The following ARL15 variants were observed in gnomAD, a reference collection of about 807,000 sequenced individuals.
ARL15 encodes ARF like GTPase 15.
A neutral mutation model predicts 25.2 loss-of-function variants in ARL15; 19 were observed. The ratio of observed to expected loss-of-function variants is 0.75; its 90% CI spans 0.53 to 1.10. The LOEUF (loss-of-function observed/expected upper bound fraction) is 1.10, where lower values mean the gene tolerates loss of function less well. Among genes scored for constraint, ARL15 ranks in the 50% least tolerant of loss-of-function variants. ARL15 has a pLI of 0.00. For missense variants in ARL15, 220 were observed against 246.0 expected (o/e 0.89, Z 0.71); for synonymous variants, 94 against 86.8 (o/e 1.08, Z -0.46).
rs189446192 is a variant in ARL15 at position 54,065,435 on chromosome 5, G to A, written c.462+47767C>T. Among the ~76,000 whole-genome samples, 755 of 152,316 alleles carry A rather than the reference G, an allele frequency of 5.0e-3. 5 individuals are homozygous for A. The highest frequency in any genetic ancestry group is 0.017 in the African/African-American group (721 of 41,558). Reference sequence around the variant, plus strand: ...AATCCCAGCACTTTGGGAGGCTGAGGCGGGCGGATCACCTCAGGTCAGGAG... The same window carrying A: ...AATCCCAGCACTTTGGGAGGCTGAGACGGGCGGATCACCTCAGGTCAGGAG... On this transcript the variant is annotated intron_variant, in intron 4 of 4. Coordinates refer to ENST00000504924, the MANE Select transcript of ARL15 (RefSeq NM_019087.3).
intron 1 of ARL15, among the ~76,000 whole-genome samples, chr5:54,182,466 C>A (rs543315763): frequency 1.3e-5 from 2 of 151,162 alleles, no homozygotes; most frequent in Non-Finnish European, 1.5e-5. Context: ...TGTAGGTATG[C>A]GGCGTTATTT....
chr5:54,033,027 T>TA lies in ARL15; in HGVS notation c.462+80174dup, dbSNP rs774182868. On this transcript the variant is annotated intron_variant, in intron 4 of 4. Transcript: ENST00000504924. ...GTTGGAATCTACAGCTATATAAGGT[T>TA]AAAAAAAAAAAAAAGACTGGCTGGG... Among the ~76,000 whole-genome samples the TA allele has an allele frequency of 5.8e-3, 822 of 140,958 alleles. 9 individuals are homozygous for TA. Among genetic ancestry groups the TA allele is most frequent in the African/African-American group, 0.017 (670 of 38,398 alleles). 92.5% of individuals were successfully genotyped at this position (140,958 alleles called of 152,430 possible). A position where few individuals can be genotyped will look rare whatever the true frequency, so the allele number is the denominator to read the frequency against.
intron 4 of ARL15, among the ~76,000 whole-genome samples, chr5:53,990,173 G>C (rs1249832719): frequency 6.6e-6 from 1 of 151,988 alleles, no homozygotes; most frequent in Non-Finnish European, 1.5e-5. Context: ...TAGTGAGCTA[G>C]GATCACTATA....
intron 4 of ARL15, among the ~76,000 whole-genome samples, chr5:53,982,253 G>A (rs538915696): frequency 6.6e-6 from 1 of 151,068 alleles, no homozygotes; most frequent in Non-Finnish European, 1.5e-5. Flanking sequence ...TGTTACATAG[G>A]TATACATGTG....
chr5:53,991,700 T>C (rs1748504068), intron 4 of ARL15, among the ~76,000 whole-genome samples: 1 of 152,106 alleles, frequency 6.6e-6, no homozygotes, highest in Non-Finnish European at 1.5e-5. Flanking sequence ...TTGATTCAAC[T>C]CCAAGACACC....
intron 4 of ARL15, among the ~76,000 whole-genome samples, chr5:53,906,350 T>C (rs759882752): frequency 6.6e-6 from 1 of 152,116 alleles, no homozygotes; most frequent in Non-Finnish European, 1.5e-5. Flanking sequence ...CAAAAAGCAT[T>C]GTACTATGGG....
chr5:54,011,816 C>T (rs1162102097), intron 4 of ARL15, among the ~76,000 whole-genome samples: 1 of 152,090 alleles, frequency 6.6e-6, no homozygotes, highest in Non-Finnish European at 1.5e-5. Flanking sequence ...CAAGACCATC[C>T]TGGCCAACAT....
At chr5:54,200,871 G>T (rs1755703493) in intron 1 of ARL15, among the ~76,000 whole-genome samples, 1 of 152,136 alleles carries the variant, frequency 6.6e-6, no homozygotes, top group South Asian at 2.1e-4. Flanking sequence ...TACTTCTTCT[G>T]CAGTGCTTCT....
chr5:54,026,658 T>C (rs1579713627), intron 4 of ARL15, among the ~76,000 whole-genome samples: 2 of 152,142 alleles, frequency 1.3e-5, no homozygotes, highest in Non-Finnish European at 2.9e-5. Flanking sequence ...ATTCCTAATC[T>C]AGTTACAGAA....
intron 1 of ARL15, among the ~76,000 whole-genome samples, chr5:54,217,492 C>A (rs1756242802): frequency 6.6e-6 from 1 of 152,076 alleles, no homozygotes; most frequent in African/African-American, 2.4e-5. Flanking sequence ...GGTAAACCAC[C>A]CTTCCCTAAG....
chr5:54,103,985 C>T (rs189272259), intron 4 of ARL15, among the ~76,000 whole-genome samples: 4 of 152,290 alleles, frequency 2.6e-5, no homozygotes, highest in Admixed American at 2.0e-4. Context: ...TTCCCCCAGA[C>T]TTCTGTAGTC....
At chr5:54,290,272 A>G (rs1341420434) in intron 1 of ARL15, among the ~76,000 whole-genome samples, 2 of 151,494 alleles carry the variant, frequency 1.3e-5, no homozygotes, top group Non-Finnish European at 2.9e-5. Context: ...TTTAGTCTAC[A>G]TTATATAAGA....
At chr5:54,229,777 T>C (rs1017098220) in intron 1 of ARL15, among the ~76,000 whole-genome samples, 1 of 152,220 alleles carries the variant, frequency 6.6e-6, no homozygotes, top group African/African-American at 2.4e-5. Flanking sequence ...TGGTCATTGC[T>C]CCACACCATA....
Position 54,087,761 on chromosome 5 carries a change from A to AGTCACTGGAAACTCC in ARL15, c.462+25440_462+25441insGGAGTTTCCAGTGAC. Among the ~76,000 whole-genome samples the AGTCACTGGAAACTCC allele has an allele frequency of 1.3e-5, 2 of 149,334 alleles. 1 individual carries two copies. Among genetic ancestry groups the AGTCACTGGAAACTCC allele is most frequent in the South Asian group, 4.3e-4 (2 of 4,678 alleles). On this transcript the variant is annotated intron_variant, in intron 4 of 4. Transcript: ENST00000504924. ...GGCTCCAAATATATATATATATTTG[A>AGTCACTGGAAACTCC]GTCTCTTAAGTTCAAGTGATTCTCC...
chr5:53,978,436 C>T (rs551495468), intron 4 of ARL15, among the ~76,000 whole-genome samples: 281 of 151,776 alleles, frequency 1.9e-3, no homozygotes, highest in Middle Eastern at 6.8e-3. Context: ...TTAGCTTCCC[C>T]GAAACTTGTT....
At position 54,065,478 on chromosome 5, in the gene ARL15, C is replaced by T. The variant is rs376254383; in HGVS notation, c.462+47724G>A. On this transcript the variant is annotated intron_variant, in intron 4 of 4. Coordinates refer to ENST00000504924, the MANE Select transcript of ARL15 (RefSeq NM_019087.3). ...GTCAGGAGTTCGAGACCAGGCTGGC[C>T]AACATAGCGAAACCCTGTCTCTACT... 1.7e-3 allele frequency among the ~76,000 whole-genome samples: 263 copies of T among 152,170 alleles called. 3 individuals are homozygous for T. The highest frequency in any genetic ancestry group is 6.1e-3 in the African/African-American group (252 of 41,516).
At chr5:53,916,480 C>A (rs984175088) in intron 4 of ARL15, among the ~76,000 whole-genome samples, 2 of 151,988 alleles carry the variant, frequency 1.3e-5, no homozygotes, top group East Asian at 3.9e-4. Flanking sequence ...GGAAAACAAC[C>A]TGCACATGTA....
intron 3 of ARL15, among the ~76,000 whole-genome samples, chr5:54,123,792 GT>G (rs891134823): frequency 6.6e-6 from 1 of 152,092 alleles, no homozygotes; most frequent in Non-Finnish European, 1.5e-5. Flanking sequence ...GCATCTTACT[GT>G]CTCAAGAGGC....
At chr5:53,899,149 C>T (rs1580059732) in intron 4 of ARL15, among the ~76,000 whole-genome samples, 1 of 151,746 alleles carries the variant, frequency 6.6e-6, no homozygotes, top group South Asian at 2.1e-4. Flanking sequence ...AAGTTTGAGA[C>T]CAGCCTGGCC....
Sources: allele counts gnomAD v4.1 joint callset (sites outside exome capture counted in the v4.1 genomes callset), GRCh38; gene constraint gnomAD v4.1.1; transcripts MANE v1.5; gene names NCBI Gene and HGNC (gene_info 2026-07-23, HGNC 2026-07-21).